The following OR2L13 variants were observed in gnomAD, a reference collection of about 807,000 sequenced individuals.
OR2L13 encodes the protein olfactory receptor 2L13.
A neutral mutation model predicts 15.3 loss-of-function variants in OR2L13; 14 were observed. That is an observed-to-expected ratio of 0.91 (90% confidence interval 0.60 to 1.43). The LOEUF (loss-of-function observed/expected upper bound fraction) is 1.43. Ranked by LOEUF, OR2L13 falls within the 40% of genes most tolerant of loss-of-function variation. The probability of loss-of-function intolerance (pLI) is 0.00; values close to 1 mark genes in which losing one functional copy is unlikely to be tolerated. For missense variants in OR2L13, 367 were observed against 387.9 expected, an observed-to-expected ratio of 0.95 and a Z score of 0.45; for synonymous variants, 152 against 142.9, an observed-to-expected ratio of 1.06 and a Z score of -0.45.
the OR2L13 span, among the ~76,000 whole-genome samples, chr1:247,992,399 G>A: frequency 5.1e-4 from 77 of 152,232 alleles, no homozygotes; most frequent in African/African-American, 1.7e-3. Flanking sequence ...TTATTTCAAC[G>A]TCTATTTTAG....
At chr1:247,973,047 G>A in the OR2L13 span, among the ~76,000 whole-genome samples, 1 of 152,154 alleles carries the variant, frequency 6.6e-6, no homozygotes, top group Non-Finnish European at 1.5e-5. Context: ...CTTGATAGAT[G>A]CAGGAAAGGC....
the OR2L13 span, among the ~76,000 whole-genome samples, chr1:247,959,766 G>T: frequency 6.6e-6 from 1 of 152,208 alleles, no homozygotes; most frequent in African/African-American, 2.4e-5. Context: ...TCGTCACGTA[G>T]TTCTTGTGCC....
the OR2L13 span, chr1:248,061,364 A>G: frequency 6.2e-7 from 1 of 1,613,866 alleles, no homozygotes. Context: ...TACCACATGA[A>G]ATCTGCAGAA....
chr1:247,988,670 G>A, the OR2L13 span, among the ~76,000 whole-genome samples: 4 of 152,000 alleles, frequency 2.6e-5, no homozygotes, highest in African/African-American at 9.6e-5. Context: ...TAATATTTAA[G>A]CCTAAAGACT....
At chr1:247,958,803 T>C in the OR2L13 span, among the ~76,000 whole-genome samples, 12 of 152,062 alleles carry the variant, frequency 7.9e-5, 1 homozygote, top group African/African-American at 2.9e-4. Context: ...TGGTAGATCT[T>C]CCTCCATCCT....
At chr1:248,093,040 C>T (rs997523426), upstream of OR2L13, among the ~76,000 whole-genome samples, 12 of 152,068 alleles carry the variant, frequency 7.9e-5, no homozygotes, top group Non-Finnish European at 1.5e-4. Flanking sequence ...GGAGCACGGT[C>T]ATTTCATACG....
the OR2L13 span, among the ~76,000 whole-genome samples, chr1:248,076,809 C>T: frequency 1.7e-4 from 26 of 152,302 alleles, no homozygotes; most frequent in African/African-American, 5.8e-4. Flanking sequence ...TTGACATCCT[C>T]ATTTCCTAAT....
the OR2L13 span, among the ~76,000 whole-genome samples, chr1:247,960,494 G>C: frequency 1.3e-5 from 2 of 152,230 alleles, no homozygotes; most frequent in African/African-American, 4.8e-5. Context: ...TAAGTCTGCA[G>C]AGGTTTCTGC....
chr1:247,982,050 C>T, the OR2L13 span, among the ~76,000 whole-genome samples: 1 of 152,130 alleles, frequency 6.6e-6, no homozygotes, highest in African/African-American at 2.4e-5. Flanking sequence ...CTCCTGACCT[C>T]GTGATCCATC....
At chr1:247,983,839 T>C in the OR2L13 span, among the ~76,000 whole-genome samples, 3 of 152,234 alleles carry the variant, frequency 2.0e-5, no homozygotes, top group Admixed American at 6.5e-5. Flanking sequence ...CAAGCTTAGC[T>C]GAGGGGAAGC....
the OR2L13 span, among the ~76,000 whole-genome samples, chr1:248,050,586 T>C: frequency 6.6e-6 from 1 of 152,158 alleles, no homozygotes; most frequent in Non-Finnish European, 1.5e-5. Context: ...AGATGTGATG[T>C]GCCATTTATT....
the OR2L13 span, chr1:248,062,624 A>T: frequency 6.6e-6 from 1 of 152,250 alleles, no homozygotes; most frequent in Non-Finnish European, 1.5e-5. Flanking sequence ...GCAAAAATAT[A>T]ATTAGATAGA....
chr1:248,047,793 T>C, the OR2L13 span, among the ~76,000 whole-genome samples: 1 of 152,272 alleles, frequency 6.6e-6, no homozygotes, highest in Non-Finnish European at 1.5e-5. Context: ...GTGTAAGTGA[T>C]AGTGATTATG....
chr1:248,099,876 C>T, exon 3 of OR2L13: 1 of 1,614,148 alleles, frequency 6.2e-7, no homozygotes, highest in Non-Finnish European at 8.5e-7. Flanking sequence ...ATATTCCCTA[C>T]TGCAGGTCTA....
upstream of OR2L13, among the ~76,000 whole-genome samples, chr1:248,096,943 C>A (rs1341103182): frequency 6.6e-6 from 1 of 152,204 alleles, no homozygotes; most frequent in Non-Finnish European, 1.5e-5. Flanking sequence ...GCTAGGTAAT[C>A]ATCTCTTGAA....
the OR2L13 span, chr1:248,022,123 A>G: frequency 9.3e-6 from 15 of 1,613,794 alleles, no homozygotes; most frequent in African/African-American, 2.7e-5. Flanking sequence ...ACACCCATGT[A>G]TTTCCTGCTT....
the OR2L13 span, chr1:248,022,728 C>T: frequency 6.2e-7 from 1 of 1,614,116 alleles, no homozygotes; most frequent in Non-Finnish European, 8.5e-7. Context: ...CTATCTATGT[C>T]CAAGATCCCT....
the OR2L13 span, among the ~76,000 whole-genome samples, chr1:248,080,078 A>G: frequency 6.6e-6 from 1 of 152,274 alleles, no homozygotes; most frequent in East Asian, 1.9e-4. Context: ...CTTGGAAGAG[A>G]CAAAAGGAAG....
chr1:247,961,101 T>C, the OR2L13 span, among the ~76,000 whole-genome samples: 168 of 152,310 alleles, frequency 1.1e-3, 1 homozygote, highest in Non-Finnish European at 1.7e-3. Context: ...AAATTTATTT[T>C]CATTGAGATA....
Sources: gnomAD v4.1 joint callset for allele counts (sites outside exome capture counted in the v4.1 genomes callset) on GRCh38, gnomAD v4.1.1 for gene constraint, MANE v1.5 for transcripts, NCBI Gene and HGNC (gene_info 2026-07-23, HGNC 2026-07-21) for gene names.